Variants in ERI1 observed in about 807,000 individuals in gnomAD.
ERI1 encodes the protein exoribonuclease 1.
In ERI1, 39 loss-of-function variants were observed where a neutral mutation model predicts 39.7. The ratio of observed to expected loss-of-function variants is 0.98; its 90% CI spans 0.76 to 1.28. The LOEUF is 1.28. Ranked by LOEUF, ERI1 falls within the 50% of genes most tolerant of loss-of-function variation. The pLI, the probability that ERI1 is intolerant of heterozygous loss-of-function variation, is 0.00. For missense variants in ERI1, 581 were observed against 416.9 expected (o/e 1.39, Z -3.43); for synonymous variants, 204 against 149.6 (o/e 1.36, Z -2.65).
intron 3 of ERI1, among the ~76,000 whole-genome samples, chr8:9,083,279 C>A (rs1799422648): frequency 6.6e-6 from 1 of 152,138 alleles, no homozygotes; most frequent in South Asian, 2.1e-4. Flanking sequence ...TGGAATGTTG[C>A]TAAAACAATG....
intron 6 of ERI1, among the ~76,000 whole-genome samples, chr8:9,026,314 C>T (rs369011046): frequency 2.0e-5 from 3 of 152,290 alleles, no homozygotes; most frequent in African/African-American, 2.4e-5. Context: ...AGTACATTCA[C>T]ATTATTGCAC....
chr8:9,032,609 T>A lies in ERI1; in HGVS notation c.*2575T>A, dbSNP rs910283091. The stretch of plus-strand genomic sequence containing the variant: ...CAGGCGTCACAAGCATGTTACCTAT[T>A]AAGAGAGAGAGGGTATCTCTGAAGA... On this transcript the variant is annotated 3_prime_UTR_variant, in exon 7 of 7. Transcript: ENST00000250263. 8 of 152,320 alleles carry A rather than the reference T, an allele frequency of 5.3e-5. No homozygotes were observed. The South Asian group carries it at 6.2e-4, about 12-fold the overall frequency. 9.4% of individuals were successfully genotyped at this position (152,320 alleles called of 1,614,324 possible). A position where few individuals can be genotyped will look rare whatever the true frequency, so the allele number is the denominator to read the frequency against.
At chr8:9,020,726 A>G (rs1585213720) in intron 6 of ERI1, among the ~76,000 whole-genome samples, 1 of 152,312 alleles carries the variant, frequency 6.6e-6, no homozygotes, top group Admixed American at 6.5e-5. Context: ...TGGATTGTTC[A>G]TGGAGCAAAT....
chr8:9,061,610 T>C (rs893889236), intron 3 of ERI1, among the ~76,000 whole-genome samples: 17 of 152,216 alleles, frequency 1.1e-4, no homozygotes, highest in African/African-American at 4.1e-4. Context: ...CCAGCTCTTT[T>C]GTAAGAATTC....
At chr8:9,097,525 C>T (rs570458679) in intron 3 of ERI1, among the ~76,000 whole-genome samples, 1 of 152,212 alleles carries the variant, frequency 6.6e-6, no homozygotes, top group African/African-American at 2.4e-5. Flanking sequence ...AAAAATTAGC[C>T]AGACACGGTG....
chr8:9,076,205 A>G (rs1045457621), intron 3 of ERI1, among the ~76,000 whole-genome samples: 7 of 152,292 alleles, frequency 4.6e-5, no homozygotes, highest in African/African-American at 1.7e-4. Flanking sequence ...CGGCCTCCCA[A>G]AGTGTTGGGA....
At chr8:9,071,341 A>G (rs1035104873) in intron 3 of ERI1, among the ~76,000 whole-genome samples, 4 of 152,216 alleles carry the variant, frequency 2.6e-5, no homozygotes, top group African/African-American at 9.6e-5. Context: ...TCTAGTTATT[A>G]CATTTGGGAG....
At chr8:9,024,170 T>C (rs1818223293) in intron 6 of ERI1, among the ~76,000 whole-genome samples, 1 of 152,188 alleles carries the variant, frequency 6.6e-6, no homozygotes, top group South Asian at 2.1e-4. Context: ...TGGAGCTTAA[T>C]TTAAAAGGCA....
intron 6 of ERI1, among the ~76,000 whole-genome samples, chr8:9,026,132 G>A (rs1231178678): frequency 6.6e-6 from 1 of 152,166 alleles, no homozygotes; most frequent in Non-Finnish European, 1.5e-5. Context: ...CATCACATGA[G>A]GTGTGTAATC....
intron 3 of ERI1, among the ~76,000 whole-genome samples, chr8:9,074,784 A>G (rs965048042): frequency 6.6e-6 from 1 of 152,142 alleles, no homozygotes; most frequent in South Asian, 2.1e-4. Flanking sequence ...TTCCTGTCAT[A>G]TTTCCTTTTT....
At chr8:9,068,888 CTG>C (rs1798965135) in intron 3 of ERI1, among the ~76,000 whole-genome samples, 11 of 152,136 alleles carry the variant, frequency 7.2e-5, no homozygotes, top group Admixed American at 7.2e-4. Flanking sequence ...GCAGTCATGG[CTG>C]ACTGCAGCGT....
chr8:9,068,851 C>T (rs1257333036), intron 3 of ERI1, among the ~76,000 whole-genome samples: 1 of 152,118 alleles, frequency 6.6e-6, no homozygotes, highest in Non-Finnish European at 1.5e-5. Context: ...GGGTCTCTTT[C>T]TGCCACCCAG....
chr8:9,011,828 C>T, intron 3 of ERI1, 76 bp downstream of exon 3: 2 of 1,123,522 alleles, frequency 1.8e-6, no homozygotes, highest in Non-Finnish European at 2.5e-6. Context: ...TGGAGGACCT[C>T]ATTTGCTTTT....
chr8:9,096,473 T>C (rs898980659), intron 3 of ERI1, among the ~76,000 whole-genome samples: 1 of 151,828 alleles, frequency 6.6e-6, no homozygotes, highest in Non-Finnish European at 1.5e-5. Context: ...CCCATGGAGG[T>C]AGTCACAGGA....
intron 3 of ERI1, among the ~76,000 whole-genome samples, chr8:9,067,609 C>A (rs371040489): frequency 3.0e-4 from 45 of 149,526 alleles, no homozygotes; most frequent in Non-Finnish European, 5.3e-4. Flanking sequence ...GAGCCAAGAT[C>A]GCACCACTGC....
At chr8:9,024,455 CTG>C (rs1818260607) in intron 6 of ERI1, among the ~76,000 whole-genome samples, 4 of 151,788 alleles carry the variant, frequency 2.6e-5, no homozygotes, top group African/African-American at 9.7e-5. Context: ...GAATCTCACT[CTG>C]TCATCCAGCC....
At chr8:9,071,907 GACAA>G (rs1337884486) in intron 3 of ERI1, among the ~76,000 whole-genome samples, 3 of 152,136 alleles carry the variant, frequency 2.0e-5, no homozygotes, top group East Asian at 3.9e-4. Context: ...CTCTACAAAA[GACAA>G]ACAAAATTAG....
intron 3 of ERI1, among the ~76,000 whole-genome samples, chr8:9,078,113 C>T (rs922087158): frequency 1.3e-5 from 2 of 152,186 alleles, no homozygotes; most frequent in East Asian, 1.9e-4. Context: ...CCTCAGCCTC[C>T]CGAGTAGCTG....
Position 9,020,331 on chromosome 8 carries a change from G to T in ERI1, c.693-19G>T, listed in dbSNP as rs746435560. 7.1e-7 allele frequency: 1 copy of T among 1,408,210 alleles called. No individual in the cohort carries two copies. The highest frequency in any genetic ancestry group is 9.7e-7 in the Non-Finnish European group (1 of 1,034,852). 87.2% of individuals were successfully genotyped at this position (1,408,210 alleles called of 1,614,324 possible). The stretch of plus-strand genomic sequence containing the variant: ...ATAGCGTTTATTTCATCAATTTTTT[G>T]TCCTTTTTTAATTTATAGTTCTTGG... On this transcript the variant is annotated intron_variant, in intron 5 of 6. Transcript: ENST00000250263.
Sources: gnomAD v4.1 joint callset for allele counts (sites outside exome capture counted in the v4.1 genomes callset) on GRCh38, gnomAD v4.1.1 for gene constraint, MANE v1.5 for transcripts, NCBI Gene and HGNC (gene_info 2026-07-23, HGNC 2026-07-21) for gene names.